Variants in ZNF362 observed in about 807,000 individuals in gnomAD.
ZNF362 encodes the protein zinc finger protein 362.
Under a neutral mutation model 42.9 loss-of-function variants are expected in ZNF362, and 11 were observed. The observed-to-expected ratio is 0.26, with a 90% confidence interval of 0.16 to 0.42. The LOEUF is 0.42. Among genes scored for constraint, ZNF362 ranks in the 20% least tolerant of loss-of-function variants. The pLI is 1.00. For missense variants in ZNF362, 362 were observed against 576.2 expected (o/e 0.63, Z 3.81); for synonymous variants, 255 against 257.3 (o/e 0.99, Z 0.09).
At chr1:33,192,170 T>G in the ZNF362 span, among the ~76,000 whole-genome samples, 1 of 152,170 alleles carries the variant, frequency 6.6e-6, no homozygotes, top group African/African-American at 2.4e-5. Context: ...ACCCTATCAT[T>G]TTCCTCCTTT....
the ZNF362 span, among the ~76,000 whole-genome samples, chr1:33,199,220 G>A: frequency 2.6e-5 from 4 of 151,880 alleles, no homozygotes; most frequent in African/African-American, 9.7e-5. Flanking sequence ...ATACACCAAG[G>A]CACATCACAA....
chr1:33,259,541 CATTT>C lies in ZNF362; in HGVS notation c.-89+2888_-89+2891del, dbSNP rs142260062. On this transcript the variant is annotated intron_variant, in intron 1 of 8. Transcript: ENST00000539719. ...TCTGCCACGGGCTATTTTATTCATT[CATTT>C]GTTGCCAGATCATTCCTTTATTCTT... Among the ~76,000 whole-genome samples, 596 of 152,316 alleles carry C rather than the reference CATTT, an allele frequency of 3.9e-3. 2 individuals are homozygous for C. Among genetic ancestry groups the C allele is most frequent in the African/African-American group, 0.014 (575 of 41,560 alleles).
the ZNF362 span, among the ~76,000 whole-genome samples, chr1:33,243,711 C>T: frequency 6.6e-6 from 1 of 151,814 alleles, no homozygotes; most frequent in Non-Finnish European, 1.5e-5. Flanking sequence ...ATTCTCCTGC[C>T]TCAGCCTCCC....
the ZNF362 span, among the ~76,000 whole-genome samples, chr1:33,225,598 G>A: frequency 6.6e-6 from 1 of 152,114 alleles, no homozygotes; most frequent in Non-Finnish European, 1.5e-5. Flanking sequence ...AATCCTCTCT[G>A]AAAGTAGATG....
chr1:33,244,240 T>G, the ZNF362 span, among the ~76,000 whole-genome samples: 2 of 152,192 alleles, frequency 1.3e-5, no homozygotes, highest in African/African-American at 4.8e-5. This position sits in a 1 kb window ranked among gnomAD's most constrained non-coding sequence, Gnocchi z 4.0. Context: ...ATGAACTGTT[T>G]CCTTATATAT....
At chr1:33,159,832 C>T in the ZNF362 span, 15 of 1,613,564 alleles carry the variant, frequency 9.3e-6, no homozygotes, top group East Asian at 8.9e-5. This position sits in a 1 kb window ranked among gnomAD's most constrained non-coding sequence, Gnocchi z 4.2. Flanking sequence ...GGTCAGCGTG[C>T]GGGCCGTGTC....
chr1:33,190,944 A>C, the ZNF362 span, among the ~76,000 whole-genome samples: 6 of 152,310 alleles, frequency 3.9e-5, no homozygotes, highest in African/African-American at 1.4e-4. Flanking sequence ...TTTCCTTAGC[A>C]GCAGCTGAAT....
At chr1:33,225,675 T>C in the ZNF362 span, among the ~76,000 whole-genome samples, 1 of 152,282 alleles carries the variant, frequency 6.6e-6, no homozygotes, top group Non-Finnish European at 1.5e-5. Flanking sequence ...TTGCAAGTTA[T>C]AGGAAACCCA....
chr1:33,275,889 G>T (rs976229864), intron 2 of ZNF362, among the ~76,000 whole-genome samples: 2 of 152,056 alleles, frequency 1.3e-5, no homozygotes, highest in African/African-American at 4.8e-5. Context: ...CTAAGGGGGG[G>T]TGGTGGGGGT....
chr1:33,142,918 AG>A, the ZNF362 span: 1 of 150,942 alleles, frequency 6.6e-6, no homozygotes, highest in Admixed American at 6.6e-5. Flanking sequence ...TACCAACCAC[AG>A]GGGCGTGTCT....
At chr1:33,172,870 T>C in the ZNF362 span, among the ~76,000 whole-genome samples, 1 of 152,172 alleles carries the variant, frequency 6.6e-6, no homozygotes, top group African/African-American at 2.4e-5. Context: ...TGTGTTCAAA[T>C]CCTGACAGCA....
At chr1:33,251,733 T>C (rs747972343), upstream of ZNF362, among the ~76,000 whole-genome samples, 1 of 152,232 alleles carries the variant, frequency 6.6e-6, no homozygotes, top group Non-Finnish European at 1.5e-5. Flanking sequence ...CTGTTCTCTC[T>C]GTTGGAAACA....
At chr1:33,161,616 G>A in the ZNF362 span, among the ~76,000 whole-genome samples, 2 of 152,172 alleles carry the variant, frequency 1.3e-5, no homozygotes, top group South Asian at 4.1e-4. The surrounding 1 kb of genome is among the most constrained non-coding windows in gnomAD (Gnocchi z 4.3). Flanking sequence ...GTCTGGGGAT[G>A]CACGGCCAGG....
the ZNF362 span, among the ~76,000 whole-genome samples, chr1:33,210,203 G>A: frequency 1.3e-5 from 2 of 152,186 alleles, no homozygotes; most frequent in South Asian, 4.1e-4. Flanking sequence ...TCATTCAGGA[G>A]CAGATTGTTC....
At chr1:33,163,031 T>G in the ZNF362 span, 1 of 152,228 alleles carries the variant, frequency 6.6e-6, no homozygotes, top group East Asian at 1.9e-4. Flanking sequence ...TTTTGGTTTT[T>G]GTTTTTGTTG....
the ZNF362 span, among the ~76,000 whole-genome samples, chr1:33,220,489 C>T: frequency 6.6e-6 from 1 of 152,082 alleles, no homozygotes; most frequent in Admixed American, 6.5e-5. Context: ...AGGGCAGAGC[C>T]ATCTGTTTGT....
chr1:33,179,208 C>A, the ZNF362 span, among the ~76,000 whole-genome samples: 1 of 152,244 alleles, frequency 6.6e-6, no homozygotes, highest in Non-Finnish European at 1.5e-5. Context: ...AACGATGGCT[C>A]TGGGGGTGGA....
At chr1:33,236,245 A>G in the ZNF362 span, among the ~76,000 whole-genome samples, 1 of 151,910 alleles carries the variant, frequency 6.6e-6, no homozygotes, top group Non-Finnish European at 1.5e-5. Flanking sequence ...AATCGAAGAC[A>G]AATGCTCATA....
chr1:33,235,574 C>G, the ZNF362 span, among the ~76,000 whole-genome samples: 1 of 152,170 alleles, frequency 6.6e-6, no homozygotes, highest in Non-Finnish European at 1.5e-5. Context: ...TTACTCAGGA[C>G]TGTCACTATA....
Sources: allele counts gnomAD v4.1 joint callset (sites outside exome capture counted in the v4.1 genomes callset), GRCh38; gene constraint gnomAD v4.1.1; non-coding constraint Gnocchi (gnomAD v3.1); transcripts MANE v1.5; gene names NCBI Gene and HGNC (gene_info 2026-07-23, HGNC 2026-07-21).